The following B3GLCT variants were observed in gnomAD, a reference collection of about 807,000 sequenced individuals.
The protein encoded by B3GLCT is beta-1,3-glucosyltransferase.
B3GLCT carries 65 observed loss-of-function variants against 63.4 expected under a neutral mutation model. The ratio of observed to expected loss-of-function variants is 1.03; its 90% confidence interval spans 0.84 to 1.26. The LOEUF (loss-of-function observed/expected upper bound fraction) is 1.26, where lower values mean the gene tolerates loss of function less well. B3GLCT is among the 50% of genes most tolerant of loss of function. The pLI is 0.00. For synonymous variants in B3GLCT, 233 were observed against 219.2 expected (o/e 1.06, Z -0.55); for missense variants, 577 against 604.8 (o/e 0.95, Z 0.48).
chr13:31,251,919 A>G (rs769755566), intron 6 of B3GLCT, among the ~76,000 whole-genome samples: 3 of 152,150 alleles, frequency 2.0e-5, no homozygotes, highest in Non-Finnish European at 4.4e-5. Flanking sequence ...TAGTCGTCAG[A>G]TTCACCAAGG....
At chr13:31,239,387 A>G (rs1277116348) in intron 4 of B3GLCT, among the ~76,000 whole-genome samples, 2 of 151,760 alleles carry the variant, frequency 1.3e-5, no homozygotes, top group Non-Finnish European at 2.9e-5. Context: ...CAAAAAGCAA[A>G]GTGGAGGTGA....
chr13:31,215,561 G>A (rs1869517706), intron 2 of B3GLCT, among the ~76,000 whole-genome samples: 1 of 152,108 alleles, frequency 6.6e-6, no homozygotes, highest in African/African-American at 2.4e-5. Flanking sequence ...ATACAGGCAT[G>A]CGCCACCATG....
Position 31,229,281 on chromosome 13 carries a change from C to T in B3GLCT, c.257C>T (p.Ala86Val). The T allele has an allele frequency of 6.2e-7, 1 of 1,604,368 alleles. No individual in the cohort carries two copies. Among genetic ancestry groups the T allele is most frequent in the Non-Finnish European group, 8.5e-7 (1 of 1,171,140 alleles). The change falls in exon 4 of 15, where the codon GCA becomes GTA. Residue 86 changes from alanine to valine, a missense_variant. Physicochemically the swap from Ala to Val is moderately conservative, Grantham distance 64. Coordinates refer to ENST00000343307, the MANE Select transcript of B3GLCT (RefSeq NM_194318.4). ...AAAAAAAGCATCTTAAAGCAGGCTG[C>T]AGATCTTACACAGGTACGTAGCGAT... The part of the protein sequence containing the change: ...QLKKSILKQA[A>V]DLTQELPSVL...
rs912609 is a variant in B3GLCT, at chr13:31,214,198, T to A, written c.71-853T>A. 3.3e-5 allele frequency among the ~76,000 whole-genome samples: 5 copies of A among 152,122 alleles called. No individual in the cohort carries two copies. The East Asian group carries it at 7.8e-4, about 24-fold the overall frequency. Reference sequence around the variant, plus strand: ...CCTTTTAGTACATCACTGCCCTATGTCATTGCCTTTTACTCCTGGGAGTGC... The same window carrying A: ...CCTTTTAGTACATCACTGCCCTATGACATTGCCTTTTACTCCTGGGAGTGC... On this transcript the variant is annotated intron_variant, in intron 1 of 14. Coordinates refer to ENST00000343307, the MANE Select transcript of B3GLCT (RefSeq NM_194318.4).
chr13:31,252,230 G>A (rs1454086739), intron 6 of B3GLCT, among the ~76,000 whole-genome samples: 3 of 152,158 alleles, frequency 2.0e-5, no homozygotes, highest in Non-Finnish European at 4.4e-5. Context: ...AGTAAGCATG[G>A]AAAGGAACAA....
rs770694050 is a variant in B3GLCT, at chr13:31,215,082, A to G, written c.102A>G (p.Lys34=). The G allele has an allele frequency of 1.2e-6, 2 of 1,611,356 alleles. No individual in the cohort carries two copies. The highest frequency in any genetic ancestry group is 1.1e-5 in the South Asian group (1 of 90,724). The change falls in exon 2 of 15, where the codon AAA becomes AAG. Residue 34 remains lysine (K), a synonymous_variant. Transcript: ENST00000343307. ...AFGLASEDTK[K]EVKQSQDLEK... ...GTTTGGCTTCTGAAGATACAAAGAA[A>G]GAGGTCAAGCAGTCTCAGGTACTAA...
At chr13:31,284,785 T>C (rs1469672268) in intron 11 of B3GLCT, 24 bp downstream of exon 11, 1 of 1,207,158 alleles carries the variant, frequency 8.3e-7, no homozygotes, top group African/African-American at 1.5e-5. Context: ...CTTACTACTC[T>C]CCTTATTAAA....
At chr13:31,266,185 A>G (rs1244809482) in intron 7 of B3GLCT, among the ~76,000 whole-genome samples, 2 of 152,028 alleles carry the variant, frequency 1.3e-5, no homozygotes, top group Admixed American at 6.6e-5. Flanking sequence ...TTTTTAGTAG[A>G]GACGGGGTTT....
chr13:31,308,351 A>C (rs948453340), intron 12 of B3GLCT, among the ~76,000 whole-genome samples: 3 of 28,038 alleles, frequency 1.1e-4, no homozygotes, highest in Non-Finnish European at 4.7e-4. Context: ...AAAAATTAAA[A>C]AAAAAAAAAC....
chr13:31,299,154 GGCA>G (rs1874101473), intron 12 of B3GLCT, among the ~76,000 whole-genome samples: 1 of 152,102 alleles, frequency 6.6e-6, no homozygotes, highest in Non-Finnish European at 1.5e-5. Flanking sequence ...ACATCTAGTG[GGCA>G]GACTCCTTTA....
rs182760790 is a variant in B3GLCT, at chr13:31,322,754, T to A, written c.1185-997T>A. Reference sequence around the variant, plus strand: ...AAAAAAATGAAAGTCTTTCTCATTTTTTCTCATTTTACTAGATGCTGACAA... The same window carrying A: ...AAAAAAATGAAAGTCTTTCTCATTTATTCTCATTTTACTAGATGCTGACAA... On this transcript the variant is annotated intron_variant, in intron 13 of 14. Coordinates refer to ENST00000343307, the MANE Select transcript of B3GLCT (RefSeq NM_194318.4). 2.0e-3 allele frequency among the ~76,000 whole-genome samples: 303 copies of A among 152,314 alleles called. 2 individuals are homozygous for A. Among genetic ancestry groups the A allele is most frequent in the African/African-American group, 6.9e-3 (285 of 41,574 alleles).
At chr13:31,327,747 T>C (rs1875706042) in intron 14 of B3GLCT, among the ~76,000 whole-genome samples, 1 of 152,262 alleles carries the variant, frequency 6.6e-6, no homozygotes, top group South Asian at 2.1e-4. Context: ...TTCCCAACTC[T>C]GTTAGACTGT....
At chr13:31,232,722 G>A (rs1003852659) in intron 4 of B3GLCT, among the ~76,000 whole-genome samples, 7 of 152,160 alleles carry the variant, frequency 4.6e-5, no homozygotes, top group African/African-American at 7.2e-5. Context: ...ATCTTGAGCC[G>A]CCGTGCTAAG....
intron 12 of B3GLCT, among the ~76,000 whole-genome samples, chr13:31,314,110 C>T (rs1874868306): frequency 6.6e-6 from 1 of 152,150 alleles, no homozygotes. Flanking sequence ...ATGGAAATGC[C>T]TGGATGCCCA....
At chr13:31,248,532 T>C (rs918259809) in intron 6 of B3GLCT, among the ~76,000 whole-genome samples, 4 of 152,192 alleles carry the variant, frequency 2.6e-5, no homozygotes, top group Admixed American at 6.5e-5. Flanking sequence ...GAATCTAACC[T>C]GGGAGGGTCA....
intron 6 of B3GLCT, among the ~76,000 whole-genome samples, chr13:31,257,981 T>C (rs1871823627): frequency 6.6e-6 from 1 of 151,974 alleles, no homozygotes; most frequent in African/African-American, 2.4e-5. Flanking sequence ...TAGAGAAAAA[T>C]GCAAATGTAT....
chr13:31,256,870 A>G (rs1480814125), intron 6 of B3GLCT, among the ~76,000 whole-genome samples: 2 of 151,966 alleles, frequency 1.3e-5, no homozygotes, highest in East Asian at 2.0e-4. Context: ...ATGTATATCT[A>G]TGTAACAAAA....
At chr13:31,317,344 G>A (rs1875091537) in intron 12 of B3GLCT, among the ~76,000 whole-genome samples, 1 of 152,100 alleles carries the variant, frequency 6.6e-6, no homozygotes, top group Admixed American at 6.5e-5. Flanking sequence ...TTGTGTCTCA[G>A]TTTCTCTTCT....
intron 3 of B3GLCT, 72 bp from the exon 4 acceptor site, chr13:31,229,113 T>G: frequency 1.0e-6 from 1 of 985,698 alleles, no homozygotes; most frequent in Non-Finnish European, 1.6e-6. Flanking sequence ...AGCTATTTTT[T>G]CACTTGTTTT....
Sources: gnomAD v4.1 joint callset for allele counts (sites outside exome capture counted in the v4.1 genomes callset) on GRCh38, gnomAD v4.1.1 for gene constraint, MANE v1.5 for transcripts, NCBI Gene and HGNC (gene_info 2026-07-23, HGNC 2026-07-21) for gene names.